The following UGDH variants were observed in gnomAD, a reference collection of about 807,000 sequenced individuals.
UGDH encodes the protein UDP-glucose 6-dehydrogenase.
UGDH carries 38 observed loss-of-function variants against 50.6 expected under a neutral mutation model. The observed-to-expected ratio is 0.75, with a 90% CI of 0.58 to 0.98. The LOEUF (loss-of-function observed/expected upper bound fraction) is 0.98, where lower values mean the gene tolerates loss of function less well. UGDH is among the 50% of genes least tolerant of loss of function. The probability of loss-of-function intolerance (pLI) is 0.00; values close to 1 mark genes in which losing one functional copy is unlikely to be tolerated. For synonymous variants in UGDH, 168 were observed against 199.9 expected (o/e 0.84, Z 1.35); for missense variants, 465 against 606.2 (o/e 0.77, Z 2.45).
At chr4:39,519,449 C>G (rs1037533586) in intron 2 of UGDH, among the ~76,000 whole-genome samples, 1 of 152,026 alleles carries the variant, frequency 6.6e-6, no homozygotes, top group Non-Finnish European at 1.5e-5. Context: ...ACTTGCAACC[C>G]TTTTATCAAT....
chr4:39,511,911 C>T (rs1265851923), intron 3 of UGDH, among the ~76,000 whole-genome samples: 1 of 151,260 alleles, frequency 6.6e-6, no homozygotes, highest in African/African-American at 2.4e-5. Context: ...CCATGTTGGC[C>T]AGGGTGGTCT....
At chr4:39,507,967 GA>G (rs1312304773) in intron 7 of UGDH, among the ~76,000 whole-genome samples, 7 of 147,650 alleles carry the variant, frequency 4.7e-5, no homozygotes, top group Non-Finnish European at 8.9e-5. Context: ...AAAAAAGAGA[GA>G]AGAGTTATAA....
chr4:39,506,268 A>C (rs911524054), intron 7 of UGDH, among the ~76,000 whole-genome samples: 3 of 151,692 alleles, frequency 2.0e-5, no homozygotes, highest in African/African-American at 7.3e-5. Flanking sequence ...AAAATTTCTA[A>C]TTTCATTTGG....
chr4:39,524,325 C>A (rs1375467211), intron 1 of UGDH, among the ~76,000 whole-genome samples: 1 of 152,178 alleles, frequency 6.6e-6, no homozygotes, highest in African/African-American at 2.4e-5. Flanking sequence ...TTATTTGCTG[C>A]TGCTCCCTGC....
At chr4:39,524,755 T>G (rs1746808274) in intron 1 of UGDH, among the ~76,000 whole-genome samples, 1 of 152,180 alleles carries the variant, frequency 6.6e-6, no homozygotes, top group African/African-American at 2.4e-5. Context: ...TTGATCCACC[T>G]GCCTCAGCCT....
rs1157495455 is a variant in UGDH, at chr4:39,509,922, AC to A, written c.664-16del. On this transcript the variant is annotated splice_polypyrimidine_tract_variant and intron_variant, in intron 5 of 11. Coordinates refer to ENST00000316423, the MANE Select transcript of UGDH (RefSeq NM_003359.4). ...GCATTTGCTGCCTTAAAAAAAAAAA[AC>A]ATAGAGAAGAGTAAGATAAGCTAAA... 31 of 1,572,982 alleles carry A rather than the reference AC, an allele frequency of 2.0e-5. No individual in the cohort carries two copies. The highest frequency in any genetic ancestry group is 1.7e-4 in the Middle Eastern group (1 of 5,860).
rs371670655 is a variant in UGDH at position 39,499,284 on chromosome 4, C to G, written c.*859G>C. 4 of 151,578 alleles carry G rather than the reference C, an allele frequency of 2.6e-5. No individual in the cohort carries two copies. The South Asian group carries it at 6.2e-4, about 24-fold the overall frequency. 9.4% of individuals were successfully genotyped at this position (151,578 alleles called of 1,614,324 possible). On this transcript the variant is annotated 3_prime_UTR_variant, in exon 12 of 12. Transcript: ENST00000316423. Reference sequence around the variant, plus strand: ...ATGATTAAAAAAAAAATCTTTTAACCATATTTGGGGTGACTGGAAATTAAC... The same window carrying G: ...ATGATTAAAAAAAAAATCTTTTAACGATATTTGGGGTGACTGGAAATTAAC...
Position 39,505,257 on chromosome 4 carries a change from C to T in UGDH, c.1151G>A (p.Gly384Asp). The T allele has an allele frequency of 1.9e-6, 3 of 1,595,740 alleles. No homozygotes were observed. Among genetic ancestry groups the T allele is most frequent in the South Asian group, 1.2e-5 (1 of 84,860 alleles). Residue 384 changes from glycine to aspartate, a missense_variant, in exon 9 of 12, where the codon GGT becomes GAT. Gly to Asp is a moderately conservative substitution (Grantham distance 94). Coordinates refer to ENST00000316423, the MANE Select transcript of UGDH (RefSeq NM_003359.4). ...EQIVVDLSHP[G>D]VSEDDQVSRL... is the part of the protein sequence containing the mutation. ...CTTACCTTGGTCATCCTCTGAAACA[C>T]CTGGATGAGAAAGATCCACAACTAT...
chr4:39,521,244 T>G (rs1383333884), intron 2 of UGDH, 107 bp downstream of exon 2: 1 of 1,166,380 alleles, frequency 8.6e-7, no homozygotes, highest in East Asian at 2.8e-5. Flanking sequence ...TCATTTAATT[T>G]CTTACCAGTT....
intron 11 of UGDH, among the ~76,000 whole-genome samples, chr4:39,502,905 C>T (rs1745877379): frequency 6.6e-6 from 1 of 151,970 alleles, no homozygotes; most frequent in Non-Finnish European, 1.5e-5. Context: ...GGCCACCAAG[C>T]CTGACTAATT....
At chr4:39,520,079 C>T (rs894638886) in intron 2 of UGDH, among the ~76,000 whole-genome samples, 1 of 152,112 alleles carries the variant, frequency 6.6e-6, no homozygotes, top group Admixed American at 6.6e-5. Flanking sequence ...TGGCTCACAC[C>T]TGTAATCCCA....
chr4:39,501,188 G>A (rs915631732), intron 11 of UGDH, among the ~76,000 whole-genome samples: 52 of 151,028 alleles, frequency 3.4e-4, no homozygotes, highest in African/African-American at 2.9e-4. Context: ...AGCTGGTCTC[G>A]AACTCCTGAC....
At chr4:39,507,784 C>CA (rs1746083735) in intron 7 of UGDH, among the ~76,000 whole-genome samples, 1 of 151,786 alleles carries the variant, frequency 6.6e-6, no homozygotes, top group Non-Finnish European at 1.5e-5. Flanking sequence ...CTTGTCTCTA[C>CA]AAACAAAATT....
chr4:39,505,829 G>A, intron 7 of UGDH, 81 bp from the exon 8 acceptor site: 1 of 1,400,134 alleles, frequency 7.1e-7, no homozygotes. Context: ...ATTTTATGGT[G>A]AGTGCTATTG....
rs949521901 is a variant in UGDH, at chr4:39,508,784, G to A, written c.812-124C>T. 5.2e-6 allele frequency: 4 copies of A among 771,224 alleles called. No individual in the cohort carries two copies. The Admixed American group carries it at 1.0e-4, about 20-fold the overall frequency. 47.8% of individuals were successfully genotyped at this position (771,224 alleles called of 1,614,324 possible). On this transcript the variant is annotated intron_variant, in intron 6 of 11. Transcript: ENST00000316423. ...GATTTTTTAATAATAAAATTCAGAT[G>A]GATAAATAATGGGCTTATAAATTAT... is the stretch of plus-strand genomic sequence containing the variant.
At chr4:39,507,942 CAAAA>C (rs34122254) in intron 7 of UGDH, among the ~76,000 whole-genome samples, 3 of 76,564 alleles carry the variant, frequency 3.9e-5, no homozygotes, top group East Asian at 3.0e-4. Flanking sequence ...GATCTTGTCT[CAAAA>C]AAAAAAAAAA....
rs752959753 is a variant in UGDH at position 39,499,613 on chromosome 4, C to A, written c.*530G>T. 1.3e-5 allele frequency: 2 copies of A among 152,126 alleles called. No homozygotes were observed. Among genetic ancestry groups the A allele is most frequent in the Non-Finnish European group, 2.9e-5 (2 of 68,036 alleles). 9.4% of individuals were successfully genotyped at this position (152,126 alleles called of 1,614,324 possible). On this transcript the variant is annotated 3_prime_UTR_variant, in exon 12 of 12. Coordinates refer to ENST00000316423, the MANE Select transcript of UGDH (RefSeq NM_003359.4). Reference sequence around the variant, plus strand: ...TGATTATCTTTCACTCATCCAATAACTGAGCTAACAGTATTATAAAAATAT... The same window carrying A: ...TGATTATCTTTCACTCATCCAATAAATGAGCTAACAGTATTATAAAAATAT...
chr4:39,504,082 G>A (rs1228484371), intron 10 of UGDH, 97 bp from the exon 11 acceptor site: 26 of 962,416 alleles, frequency 2.7e-5, no homozygotes, highest in Non-Finnish European at 4.2e-5. Context: ...GCCAAGATGG[G>A]TGGATCACGA....
At chr4:39,527,020 A>T in intron 1 of UGDH, 1 of 1,289,350 alleles carries the variant, frequency 7.8e-7, no homozygotes, top group Non-Finnish European at 1.0e-6. Context: ...GAAAGTGGGT[A>T]AAGGCAGAAA....
Sources: allele counts gnomAD v4.1 joint callset (sites outside exome capture counted in the v4.1 genomes callset), GRCh38; gene constraint gnomAD v4.1.1; transcripts MANE v1.5; gene names NCBI Gene and HGNC (gene_info 2026-07-23, HGNC 2026-07-21).